Variants in ZNF19 observed in about 807,000 individuals in gnomAD.
ZNF19 encodes zinc finger protein 19.
A neutral mutation model predicts 13.1 loss-of-function variants in ZNF19; 11 were observed. That is an observed-to-expected ratio of 0.84 (90% CI 0.53 to 1.39). ZNF19 has a LOEUF of 1.39. Among genes scored for constraint, ZNF19 ranks in the 40% most tolerant of loss-of-function variants. The pLI, the probability that ZNF19 is intolerant of heterozygous loss-of-function variation, is 0.00. For synonymous variants in ZNF19, 186 were observed against 187.0 expected (o/e 0.99, Z 0.04); for missense variants, 560 against 547.0 (o/e 1.02, Z -0.24).
intron 3 of ZNF19, 97 bp downstream of exon 3, chr16:71,481,985 C>T (rs182349836): frequency 1.5e-6 from 2 of 1,368,856 alleles, no homozygotes; most frequent in Non-Finnish European, 2.1e-6. Context: ...GGTTTTCCTA[C>T]TGCTTTGGCT....
At chr16:71,488,451 T>C (rs1212459111) in intron 1 of ZNF19, among the ~76,000 whole-genome samples, 2 of 151,230 alleles carry the variant, frequency 1.3e-5, no homozygotes, top group East Asian at 1.9e-4. Context: ...GCAGGCAACA[T>C]GATTATCTGT....
intron 5 of ZNF19, among the ~76,000 whole-genome samples, chr16:71,477,701 C>T (rs756941069): frequency 1.2e-4 from 19 of 152,124 alleles, no homozygotes; most frequent in East Asian, 7.7e-4. Flanking sequence ...AGGCACCTCA[C>T]GCCCTGTGCT....
chr16:71,482,244 A>C (rs930906216), intron 2 of ZNF19, 101 bp from the exon 3 acceptor site: 1 of 1,030,092 alleles, frequency 9.7e-7, no homozygotes, highest in East Asian at 2.6e-5. Context: ...TCACTTACTA[A>C]ATGCTCACTG....
In ZNF19 at chr16:71,476,712, A is replaced by G. The variant is rs112162990; in HGVS notation, c.275-440T>C. Among the ~76,000 whole-genome samples, 591 of 152,236 alleles carry G rather than the reference A, an allele frequency of 3.9e-3. 2 individuals are homozygous for G. Among genetic ancestry groups the G allele is most frequent in the Non-Finnish European group, 7.0e-3 (474 of 68,022 alleles). ...GGATGAATTGTTGTTCTTTTTAAAA[A>G]CTCATACCCTGCAGATGTCCCAAAA... On this transcript the variant is annotated intron_variant, in intron 5 of 5. Coordinates refer to ENST00000288177, the MANE Select transcript of ZNF19 (RefSeq NM_006961.4).
At chr16:71,483,138 A>T (rs1334419597) in intron 2 of ZNF19, among the ~76,000 whole-genome samples, 1 of 152,252 alleles carries the variant, frequency 6.6e-6, no homozygotes, top group Non-Finnish European at 1.5e-5. Context: ...ATCTCAGAGC[A>T]AGTCTTCCTT....
intron 3 of ZNF19, among the ~76,000 whole-genome samples, chr16:71,479,888 G>A (rs1016768753): frequency 2.6e-5 from 4 of 151,908 alleles, no homozygotes; most frequent in Non-Finnish European, 5.9e-5. Flanking sequence ...CGACCTCCCA[G>A]CTCAGGTGAT....
chr16:71,484,865 G>T, intron 1 of ZNF19, 117 bp from the exon 2 acceptor site: 1 of 334,916 alleles, frequency 3.0e-6, no homozygotes, highest in Non-Finnish European at 4.3e-6. Flanking sequence ...GACTGTCACC[G>T]ATAGAAATCA....
At chr16:71,479,275 GTC>G (rs1327710850) in intron 3 of ZNF19, among the ~76,000 whole-genome samples, 2 of 152,166 alleles carry the variant, frequency 1.3e-5, no homozygotes, top group African/African-American at 4.8e-5. Context: ...AGGAAAAAAA[GTC>G]TCTTATTAGT....
Position 71,484,671 on chromosome 16 carries a change from A to G in ZNF19, c.-112T>C. 1 of 985,372 alleles carries G rather than the reference A, an allele frequency of 1.0e-6. No individual in the cohort carries two copies. Among genetic ancestry groups the G allele is most frequent in the Non-Finnish European group, 1.2e-6 (1 of 829,902 alleles). The allele number at this position is 985,372 out of a possible 1,614,324, so 61.0% of individuals were successfully genotyped here. ...ACCCAGGCTCACACGCGTACTCTCTAGGATGCCGGAGCGGTCTTCTCAGTG... is the reference window on the plus strand; with the variant it reads ...ACCCAGGCTCACACGCGTACTCTCTGGGATGCCGGAGCGGTCTTCTCAGTG... On this transcript the variant is annotated 5_prime_UTR_variant, in exon 2 of 6. Coordinates refer to ENST00000288177, the MANE Select transcript of ZNF19 (RefSeq NM_006961.4).
chr16:71,480,950 G>C (rs2043633547), intron 3 of ZNF19, among the ~76,000 whole-genome samples: 1 of 152,202 alleles, frequency 6.6e-6, no homozygotes, highest in African/African-American at 2.4e-5. Context: ...ACAAAGTGAT[G>C]GAAAGGTGCA....
At position 71,475,107 on chromosome 16, in the gene ZNF19, T is replaced by C. The variant is rs1201391808; in HGVS notation, c.*63A>G. 2 of 1,487,634 alleles carry C rather than the reference T, an allele frequency of 1.3e-6. No homozygotes were observed. Among genetic ancestry groups the C allele is most frequent in the African/African-American group, 2.8e-5 (2 of 71,246 alleles). The allele number at this position is 1,487,634 out of a possible 1,614,324, so 92.2% of individuals were successfully genotyped here. On this transcript the variant is annotated 3_prime_UTR_variant, in exon 6 of 6. Transcript: ENST00000288177. ...GATCAGAGGCTGAGTCAGGCCTGTG[T>C]CACACATTCCATTCCTGAGTAGAAG... is the stretch of plus-strand genomic sequence containing the variant.
At chr16:71,484,553 A>T in intron 2 of ZNF19, 36 bp downstream of exon 2, 1 of 985,446 alleles carries the variant, frequency 1.0e-6, no homozygotes, top group Non-Finnish European at 1.2e-6. Flanking sequence ...GCCTGAGCCT[A>T]GCAAGGACTC....
chr16:71,483,325 A>G (rs966403075), intron 2 of ZNF19, among the ~76,000 whole-genome samples: 2 of 152,240 alleles, frequency 1.3e-5, no homozygotes, highest in Non-Finnish European at 2.9e-5. Context: ...AAACAGCAAT[A>G]TTCTATAAAA....
chr16:71,480,343 G>A lies in ZNF19; in HGVS notation c.34-1338C>T, dbSNP rs17279874. Among the ~76,000 whole-genome samples the A allele has an allele frequency of 6.0e-3, 915 of 152,196 alleles. 7 individuals are homozygous for A. The highest frequency in any genetic ancestry group is 6.7e-3 in the Non-Finnish European group (458 of 68,014). On this transcript the variant is annotated intron_variant, in intron 3 of 5. Transcript: ENST00000288177. ...ATGACCCAACACACTGACTCACCAA[G>A]CAACCCCAAACTCATCTTCCCCAAA...
intron 1 of ZNF19, among the ~76,000 whole-genome samples, chr16:71,488,091 G>T (rs1415607736): frequency 6.6e-6 from 1 of 152,156 alleles, no homozygotes; most frequent in African/African-American, 2.4e-5. Flanking sequence ...CAGACACAGT[G>T]GCTCACACCT....
In ZNF19 at chr16:71,486,414, G is replaced by C. The variant is rs1352714011; in HGVS notation, c.-189-1666C>G. Among the ~76,000 whole-genome samples the C allele has an allele frequency of 2.0e-5, 3 of 151,876 alleles. No homozygotes were observed. The East Asian group carries it at 5.8e-4, about 29-fold the overall frequency. ...TCAGGTGGGCCCAGTGTAATCATAA[G>C]AGTTCTTGAACGTGAAAGAGGGAAT... On this transcript the variant is annotated intron_variant, in intron 1 of 5. Coordinates refer to ENST00000288177, the MANE Select transcript of ZNF19 (RefSeq NM_006961.4).
Position 71,489,276 on chromosome 16 carries a change from G to T in ZNF19, c.-194C>A. 1.0e-6 allele frequency: 1 copy of T among 985,586 alleles called. No homozygotes were observed. Among genetic ancestry groups the T allele is most frequent in the Non-Finnish European group, 1.2e-6 (1 of 830,022 alleles). 61.1% of individuals were successfully genotyped at this position (985,586 alleles called of 1,614,324 possible). A position where few individuals can be genotyped will look rare whatever the true frequency, so the allele number is the denominator to read the frequency against. ...TGGGTCCTTGCACTTTGGCACCTTT[G>T]AGCGCGGACTCAAAACAGGCCAGAA... On this transcript the variant is annotated 5_prime_UTR_variant, in exon 1 of 6. Transcript: ENST00000288177.
chr16:71,488,954 G>C (rs1389952811), intron 1 of ZNF19: 4 of 152,470 alleles, frequency 2.6e-5, no homozygotes, highest in African/African-American at 9.6e-5. Context: ...AACTAAGAGT[G>C]GGGATGGCTT....
chr16:71,483,944 TTAAC>T (rs1433018590), intron 2 of ZNF19, among the ~76,000 whole-genome samples: 13 of 152,292 alleles, frequency 8.5e-5, no homozygotes, highest in South Asian at 2.1e-4. Context: ...AGAAAATAAA[TTAAC>T]TAAGGTATGA....
Sources: allele counts gnomAD v4.1 joint callset (sites outside exome capture counted in the v4.1 genomes callset), GRCh38; gene constraint gnomAD v4.1.1; transcripts MANE v1.5; gene names NCBI Gene and HGNC (gene_info 2026-07-23, HGNC 2026-07-21).